Variants in ESR1 observed in about 807,000 individuals in gnomAD.
ESR1 encodes estrogen receptor.
In ESR1, 12 loss-of-function variants were observed where a neutral mutation model predicts 52.7. The observed-to-expected ratio is 0.23, with a 90% confidence interval of 0.15 to 0.37. The LOEUF is 0.37. Ranked by LOEUF, ESR1 falls within the 10% of genes least tolerant of loss-of-function variation. The probability of loss-of-function intolerance (pLI) is 1.00; values close to 1 mark genes in which losing one functional copy is unlikely to be tolerated. For missense variants in ESR1, 584 were observed against 779.7 expected (o/e 0.75, Z 2.99); for synonymous variants, 305 against 316.8 (o/e 0.96, Z 0.39).
downstream of ESR1, among the ~76,000 whole-genome samples, chr6:152,106,704 T>G (rs1353113085): frequency 1.3e-5 from 2 of 152,228 alleles, no homozygotes; most frequent in Non-Finnish European, 2.9e-5. Flanking sequence ...TCCTTCCACC[T>G]TAGCCTCCCG....
At chr6:151,668,526 G>A (rs1254001239) in intron 1 of ESR1, among the ~76,000 whole-genome samples, 3 of 152,068 alleles carry the variant, frequency 2.0e-5, no homozygotes, top group Non-Finnish European at 2.9e-5. Context: ...CTCGTGATCT[G>A]CCTGCCTTGG....
At chr6:151,804,725 C>T (rs1361131381), upstream of ESR1, 1 of 152,132 alleles carries the variant, frequency 6.6e-6, no homozygotes, top group Non-Finnish European at 1.5e-5. Context: ...GGGCCAGAGA[C>T]CGGCCACTCC....
chr6:152,113,181 AT>A (rs1419004441), intron 6 of ESR1: 1 of 152,144 alleles, frequency 6.6e-6, no homozygotes, highest in Non-Finnish European at 1.5e-5. Context: ...TAGTTTAGGC[AT>A]TTCTGTTTGT....
chr6:152,028,715 G>T (rs1180673080), intron 5 of ESR1, among the ~76,000 whole-genome samples: 1 of 152,190 alleles, frequency 6.6e-6, no homozygotes, highest in Non-Finnish European at 1.5e-5. Context: ...TCCACCTCTG[G>T]GGGCAGGGCA....
rs1276688649 is a variant in ESR1 at position 152,053,322 on chromosome 6, T to C, written c.1236-7669T>C. On this transcript the variant is annotated intron_variant, in intron 5 of 7. Transcript: ENST00000206249. This position sits in a 1 kb window ranked among gnomAD's most constrained non-coding sequence, Gnocchi z 4.1. Reference sequence around the variant, plus strand: ...CCTCTGACCATTCAACCATTTGTCCTCTTGATTGGTTCCACCTTGTCCTAT... The same window carrying C: ...CCTCTGACCATTCAACCATTTGTCCCCTTGATTGGTTCCACCTTGTCCTAT... Among the ~76,000 whole-genome samples, 2 of 152,124 alleles carry C rather than the reference T, an allele frequency of 1.3e-5. No individual in the cohort carries two copies. The highest frequency in any genetic ancestry group is 6.6e-5 in the Admixed American group (1 of 15,262).
intron 2 of ESR1, among the ~76,000 whole-genome samples, chr6:151,760,619 C>T (rs1349587675): frequency 6.6e-6 from 1 of 152,194 alleles, no homozygotes; most frequent in Non-Finnish European, 1.5e-5. Context: ...CTTATTTGCG[C>T]TCCCCAGCCT....
intron 2 of ESR1, among the ~76,000 whole-genome samples, chr6:151,786,886 T>C (rs767553629): frequency 3.3e-5 from 5 of 152,200 alleles, no homozygotes; most frequent in African/African-American, 4.8e-5. Context: ...TTTGGCTCAC[T>C]GCAACCTCCG....
At chr6:151,910,634 G>GGGCCAATTTCTAAATATTCCTGTCAAATA (rs1798121925) in intron 3 of ESR1, among the ~76,000 whole-genome samples, 4 of 152,060 alleles carry the variant, frequency 2.6e-5, no homozygotes, top group Non-Finnish European at 5.9e-5. Context: ...TGTAGTTAAT[G>GGGCCAATTTCTAAATATTCCTGTCAAATA]GGCCAATTTC....
chr6:151,700,693 G>GA (rs1779708903), intron 1 of ESR1, among the ~76,000 whole-genome samples: 4 of 89,532 alleles, frequency 4.5e-5, no homozygotes, highest in Admixed American at 2.4e-4. Context: ...TTTTTTTTGA[G>GA]AAAAAAATTG....
intron 2 of ESR1, among the ~76,000 whole-genome samples, chr6:151,784,613 T>G (rs1786846020): frequency 6.6e-6 from 1 of 152,214 alleles, no homozygotes; most frequent in Admixed American, 6.5e-5. Context: ...AGGCAACATG[T>G]GACTCAGAGT....
At chr6:151,657,663 C>A (rs1036209308) in intron 1 of ESR1, among the ~76,000 whole-genome samples, 12 of 152,150 alleles carry the variant, frequency 7.9e-5, no homozygotes, top group Admixed American at 3.9e-4. Flanking sequence ...TTTTTTCCTG[C>A]AAATCTATCT....
At chr6:151,673,266 C>T (rs997139129) in intron 1 of ESR1, among the ~76,000 whole-genome samples, 1 of 152,146 alleles carries the variant, frequency 6.6e-6, no homozygotes, top group African/African-American at 2.4e-5. Context: ...ATATTGATGT[C>T]TCCCACTATA....
intron 2 of ESR1, among the ~76,000 whole-genome samples, chr6:151,789,874 G>C (rs1004583386): frequency 2.6e-5 from 4 of 152,162 alleles, no homozygotes; most frequent in African/African-American, 9.7e-5. Context: ...CTTAAAGCCA[G>C]CCTGAATTTC....
intron 1 of ESR1, among the ~76,000 whole-genome samples, chr6:151,697,043 A>G (rs933136031): frequency 1.1e-4 from 16 of 152,194 alleles, no homozygotes; most frequent in Admixed American, 1.0e-3. Flanking sequence ...GAGGTAATTT[A>G]GAAGTGGAGA....
At chr6:151,932,486 T>G (rs1456255828) in intron 3 of ESR1, among the ~76,000 whole-genome samples, 7 of 130,596 alleles carry the variant, frequency 5.4e-5, no homozygotes, top group Non-Finnish European at 8.0e-5. Flanking sequence ...TTTTGGCTTT[T>G]GTTGCCATTG....
intron 6 of ESR1, among the ~76,000 whole-genome samples, chr6:152,077,828 G>T (rs9478284): frequency 1.3e-5 from 2 of 152,038 alleles, no homozygotes; most frequent in Non-Finnish European, 2.9e-5. Flanking sequence ...GCCTAAACCC[G>T]CATTGTATCT....
chr6:151,855,717 G>T (rs1204147798), intron 2 of ESR1, among the ~76,000 whole-genome samples: 1 of 152,152 alleles, frequency 6.6e-6, no homozygotes, highest in Non-Finnish European at 1.5e-5. Flanking sequence ...AGCACTATAA[G>T]TGATGCCTCA....
chr6:151,756,514 C>T (rs1011320721), intron 2 of ESR1, among the ~76,000 whole-genome samples: 5 of 152,168 alleles, frequency 3.3e-5, no homozygotes, highest in Non-Finnish European at 7.3e-5. Flanking sequence ...ACTTTCTAAC[C>T]TCCTGTGTAT....
At chr6:151,942,010 C>T (rs567761670) in intron 3 of ESR1, among the ~76,000 whole-genome samples, 3 of 152,160 alleles carry the variant, frequency 2.0e-5, no homozygotes, top group Non-Finnish European at 2.9e-5. Flanking sequence ...CTTCTTGTTA[C>T]TCTAACTTGA....
Sources: gnomAD v4.1 joint callset for allele counts (sites outside exome capture counted in the v4.1 genomes callset) on GRCh38, gnomAD v4.1.1 for gene constraint, Gnocchi (gnomAD v3.1) non-coding constraint, MANE v1.5 for transcripts, NCBI Gene and HGNC (gene_info 2026-07-23, HGNC 2026-07-21) for gene names.